The following NGFR variants were observed in gnomAD, a reference collection of about 807,000 sequenced individuals.
NGFR encodes tumor necrosis factor receptor superfamily member 16.
In NGFR, 30 loss-of-function variants were observed where a neutral mutation model predicts 43.2. That is an observed-to-expected ratio of 0.69 (90% CI 0.52 to 0.94). The LOEUF (loss-of-function observed/expected upper bound fraction) is 0.94. Among genes scored for constraint, NGFR ranks in the 40% least tolerant of loss-of-function variants. The pLI is 0.00. For missense variants in NGFR, 529 were observed against 602.5 expected (o/e 0.88, Z 1.28); for synonymous variants, 246 against 259.6 (o/e 0.95, Z 0.50).
chr17:49,502,196 G>T lies in NGFR; in HGVS notation c.200G>T (p.Cys67Phe). Residue 67 changes from cysteine (C) to phenylalanine (F), a missense_variant, in exon 2 of 6, where the codon TGC becomes TTC. Coordinates refer to ENST00000172229, the MANE Select transcript of NGFR (RefSeq NM_002507.4). ...GCCAACCAGACCGTGTGTGAGCCCT[G>T]CCTGGACAGTGAGTAGAGGGTGGCG... Reference protein sequence around the residue: ...CGANQTVCEPCLDSVTFSDVV... With the variant: ...CGANQTVCEPFLDSVTFSDVV... The T allele has an allele frequency of 6.2e-7, 1 of 1,601,206 alleles. No homozygotes were observed.
chr17:49,513,107 G>T lies in NGFR; in HGVS notation c.*98G>T. The T allele has an allele frequency of 1.5e-6, 2 of 1,318,544 alleles. No homozygotes were observed. Among genetic ancestry groups the T allele is most frequent in the Non-Finnish European group, 2.0e-6 (2 of 992,558 alleles). The allele number at this position is 1,318,544 out of a possible 1,614,324, so 81.7% of individuals were successfully genotyped here. A position where few individuals can be genotyped will look rare whatever the true frequency, so the allele number is the denominator to read the frequency against. On this transcript the variant is annotated 3_prime_UTR_variant, in exon 6 of 6. Coordinates refer to ENST00000172229, the MANE Select transcript of NGFR (RefSeq NM_002507.4). ...CACCCCCACCCTTTGGGGGGGGCCC[G>T]CCTGGCAGAACTGAGCTCCTCTGGG...
In NGFR at chr17:49,506,322, A is replaced by G; in HGVS notation, c.232A>G (p.Ser78Gly). The change falls in exon 3 of 6, where the codon AGC becomes GGC. Residue 78 changes from serine to glycine, a missense_variant. Coordinates refer to ENST00000172229, the MANE Select transcript of NGFR (RefSeq NM_002507.4). ...LDSVTFSDVVSATEPCKPCTE... is the reference protein window; with the variant it reads ...LDSVTFSDVVGATEPCKPCTE... Reference sequence around the variant, plus strand: ...AGGCGTGACGTTCTCCGACGTGGTGAGCGCGACCGAGCCGTGCAAGCCGTG... The same window carrying G: ...AGGCGTGACGTTCTCCGACGTGGTGGGCGCGACCGAGCCGTGCAAGCCGTG... 1 of 1,570,424 alleles carries G rather than the reference A, an allele frequency of 6.4e-7. No homozygotes were observed. Among genetic ancestry groups the G allele is most frequent in the Non-Finnish European group, 8.6e-7 (1 of 1,159,452 alleles).
In NGFR at chr17:49,512,018, C is replaced by G; in HGVS notation, c.948C>G (p.Asp316Glu). 2 of 1,613,790 alleles carry G rather than the reference C, an allele frequency of 1.2e-6. No homozygotes were observed. The highest frequency in any genetic ancestry group is 1.7e-6 in the Non-Finnish European group (2 of 1,179,900). ...GISVDSQSLH[D>E]QQPHTQTASG... ...CCGTGGACAGCCAGAGCCTGCATGA[C>G]CAGCAGCCCCACACGCAGACAGCCT... Residue 316 changes from aspartate to glutamate, a missense_variant, in exon 5 of 6, where the codon GAC becomes GAG. Coordinates refer to ENST00000172229, the MANE Select transcript of NGFR (RefSeq NM_002507.4). The surrounding 1 kb of genome is among the most constrained non-coding windows in gnomAD (Gnocchi z 5.2).
intron 3 of NGFR, among the ~76,000 whole-genome samples, chr17:49,510,109 G>A (rs1164893169): frequency 6.6e-6 from 1 of 152,170 alleles, no homozygotes; most frequent in Non-Finnish European, 1.5e-5. Context: ...GGAGCTTAGA[G>A]ACTGTCTCTC....
In NGFR at chr17:49,495,465, G is replaced by A. The variant is rs1386306826; in HGVS notation, c.48G>A (p.Leu16=). ...TGRAMDGPRL[L]LLLLLGVSLG... is the part of the protein sequence containing the mutation. ...GCGCCATGGACGGGCCGCGCCTGCT[G>A]CTGTTGCTGCTTCTGGGGGTGAGTG... Residue 16 remains leucine (L), a synonymous_variant, in exon 1 of 6, where the codon CTG becomes CTA. Transcript: ENST00000172229. This position sits in a 1 kb window ranked among gnomAD's most constrained non-coding sequence, Gnocchi z 6.4. The A allele has an allele frequency of 1.1e-5, 13 of 1,236,734 alleles. No homozygotes were observed. Among genetic ancestry groups the A allele is most frequent in the Non-Finnish European group, 1.3e-5 (13 of 988,682 alleles). The allele number at this position is 1,236,734 out of a possible 1,614,324, so 76.6% of individuals were successfully genotyped here. A position where few individuals can be genotyped will look rare whatever the true frequency, so the allele number is the denominator to read the frequency against.
chr17:49,501,683 C>T (rs1319844445), intron 1 of NGFR, among the ~76,000 whole-genome samples: 1 of 152,248 alleles, frequency 6.6e-6, no homozygotes, highest in Non-Finnish European at 1.5e-5. Flanking sequence ...TGGCTGGGAG[C>T]CCTGTGCAAG....
intron 1 of NGFR, 63 bp from the exon 2 acceptor site, chr17:49,502,000 A>AGGGCCCCCCCCC: frequency 3.8e-6 from 1 of 264,886 alleles, no homozygotes; most frequent in Non-Finnish European, 7.9e-6. Context: ...CCCCGGAAGA[A>AGGGCCCCCCCCC]CCCCCCCCAA....
rs1395192003 is a variant in NGFR at position 49,495,368 on chromosome 17, C to G, written c.-50C>G. On this transcript the variant is annotated 5_prime_UTR_variant, in exon 1 of 6. Transcript: ENST00000172229. This position sits in a 1 kb window ranked among gnomAD's most constrained non-coding sequence, Gnocchi z 6.4. ...CGCAGCGCAGCGCAGCCCCATCAGT[C>G]CGCAAAGCGGACCGAGCTGGAAGTC... 3 of 1,213,002 alleles carry G rather than the reference C, an allele frequency of 2.5e-6. No individual in the cohort carries two copies. The highest frequency in any genetic ancestry group is 3.1e-6 in the Non-Finnish European group (3 of 970,650). 75.1% of individuals were successfully genotyped at this position (1,213,002 alleles called of 1,614,324 possible). A position where few individuals can be genotyped will look rare whatever the true frequency, so the allele number is the denominator to read the frequency against.
intron 1 of NGFR, chr17:49,497,382 T>TGGGCGAGCGTAGACC (rs2071144708): frequency 6.6e-6 from 1 of 152,208 alleles, no homozygotes; most frequent in South Asian, 2.1e-4. Flanking sequence ...CAGACGCGGG[T>TGGGCGAGCGTAGACC]GGGCGAGCGT....
rs1222932540 is a variant in NGFR, at chr17:49,495,712, C to T, written c.66+229C>T. The stretch of plus-strand genomic sequence containing the variant: ...GAGGGCAAGACCGGAGCACGGATGC[C>T]GGTCCTCAGGTACCGCAGGGGGCGG... On this transcript the variant is annotated intron_variant, in intron 1 of 5. Coordinates refer to ENST00000172229, the MANE Select transcript of NGFR (RefSeq NM_002507.4). This position sits in a 1 kb window ranked among gnomAD's most constrained non-coding sequence, Gnocchi z 6.4. 1.3e-5 allele frequency: 5 copies of T among 376,366 alleles called. No individual in the cohort carries two copies. The highest frequency in any genetic ancestry group is 4.6e-5 in the Admixed American group (1 of 21,578). 23.3% of individuals were successfully genotyped at this position (376,366 alleles called of 1,614,324 possible). A position where few individuals can be genotyped will look rare whatever the true frequency, so the allele number is the denominator to read the frequency against.
chr17:49,510,533 TGTG>T lies in NGFR; in HGVS notation c.694_696del (p.Val232del), dbSNP rs1396158493. 1.2e-6 allele frequency: 2 copies of T among 1,613,954 alleles called. No individual in the cohort carries two copies. The highest frequency in any genetic ancestry group is 1.3e-5 in the African/African-American group (1 of 74,954). On this transcript the variant is annotated inframe_deletion, in exon 4 of 6. Coordinates refer to ENST00000172229, the MANE Select transcript of NGFR (RefSeq NM_002507.4). ...ACCTCATAGCCAGCACGGTGGCAGG[TGTG>T]GTGACCACAGTGATGGGCAGCTCCC...
At position 49,512,120 on chromosome 17, in the gene NGFR, G is replaced by A; in HGVS notation, c.982+68G>A. 6.4e-7 allele frequency: 1 copy of A among 1,555,234 alleles called. No homozygotes were observed. On this transcript the variant is annotated intron_variant, in intron 5 of 5. Coordinates refer to ENST00000172229, the MANE Select transcript of NGFR (RefSeq NM_002507.4). This position sits in a 1 kb window ranked among gnomAD's most constrained non-coding sequence, Gnocchi z 5.2. ...GAGGAAACAGAAGCAATTAAGATTA[G>A]ACTCCAGGAAGGACTGTCGGGGGGG...
chr17:49,511,068 A>G (rs2071229210), intron 4 of NGFR: 1 of 164,422 alleles, frequency 6.1e-6, no homozygotes, highest in Non-Finnish European at 1.3e-5. Context: ...ATGTGCACGA[A>G]CTCCCAGAAG....
intron 1 of NGFR, among the ~76,000 whole-genome samples, chr17:49,499,584 T>A (rs118149279): frequency 0.012 from 1,835 of 151,878 alleles, 21 homozygotes; most frequent in Middle Eastern, 0.021. Flanking sequence ...ATTTTTATTT[T>A]ATTTATTTAT....
chr17:49,498,225 G>T (rs1383431503), intron 1 of NGFR, among the ~76,000 whole-genome samples: 2 of 152,148 alleles, frequency 1.3e-5, no homozygotes, highest in African/African-American at 4.8e-5. Flanking sequence ...GATCATGGAA[G>T]GAGTCGTGGC....
intron 2 of NGFR, 96 bp from the exon 3 acceptor site, chr17:49,506,203 C>T: frequency 2.7e-6 from 4 of 1,490,618 alleles, no homozygotes; most frequent in Non-Finnish European, 3.6e-6. Flanking sequence ...AGGAAGTCAG[C>T]GTCCTGGCAG....
Position 49,500,867 on chromosome 17 carries a change from A to T in NGFR, c.67-1196A>T, listed in dbSNP as rs2071163445. Among the ~76,000 whole-genome samples the T allele has an allele frequency of 2.0e-5, 3 of 152,164 alleles. 1 individual carries two copies. In the South Asian group the frequency reaches 6.2e-4, roughly 32 times the overall value. ...TTTCCTTCCCCACCAAACCCTGATG[A>T]GGCCGCAGGATATTTTAAAAGGCTG... On this transcript the variant is annotated intron_variant, in intron 1 of 5. Transcript: ENST00000172229.
At chr17:49,503,583 C>A (rs9303553) in intron 2 of NGFR, among the ~76,000 whole-genome samples, 11,292 of 152,230 alleles carry the variant, frequency 0.074, 1,181 homozygotes, top group African/African-American at 0.24. Context: ...GTCCTCCAGG[C>A]AACCCCAACT....
In NGFR at chr17:49,506,452, G is replaced by T; in HGVS notation, c.362G>T (p.Arg121Leu). 1 of 1,608,556 alleles carries T rather than the reference G, an allele frequency of 6.2e-7. No homozygotes were observed. The highest frequency in any genetic ancestry group is 8.5e-7 in the Non-Finnish European group (1 of 1,178,916). Residue 121 changes from arginine to leucine, a missense_variant, in exon 3 of 6, where the codon CGC becomes CTC. Arg to Leu is a moderately radical substitution (Grantham distance 102, BLOSUM62 -2). Transcript: ENST00000172229. The part of the protein sequence containing the change: ...YGYYQDETTG[R>L]CEACRVCEAG... ...TACTACCAGGATGAGACGACTGGGC[G>T]CTGCGAGGCGTGCCGCGTGTGCGAG...
Sources: gnomAD v4.1 joint callset for allele counts (sites outside exome capture counted in the v4.1 genomes callset) on GRCh38, gnomAD v4.1.1 for gene constraint, Gnocchi (gnomAD v3.1) non-coding constraint, MANE v1.5 for transcripts, NCBI Gene and HGNC (gene_info 2026-07-23, HGNC 2026-07-21) for gene names.